Variants in CNTN5 observed in about 807,000 individuals in gnomAD.
The protein encoded by CNTN5 is contactin 5.
A neutral mutation model predicts 129.1 loss-of-function variants in CNTN5; 77 were observed. The observed-to-expected ratio is 0.60, with a 90% CI of 0.50 to 0.72. The LOEUF is 0.72. Ranked by LOEUF, CNTN5 falls within the 30% of genes least tolerant of loss-of-function variation. CNTN5 has a pLI of 0.00. For synonymous variants in CNTN5, 509 were observed against 465.6 expected, an observed-to-expected ratio of 1.09 and a Z score of -1.20; for missense variants, 1,478 against 1,328.8, an observed-to-expected ratio of 1.11 and a Z score of -1.75.
chr11:100,245,320 A>C (rs1183775399), intron 16 of CNTN5, among the ~76,000 whole-genome samples: 3 of 152,164 alleles, frequency 2.0e-5, no homozygotes, highest in African/African-American at 4.8e-5. Flanking sequence ...AACTTCATAC[A>C]AACTTGCATC....
chr11:99,207,210 T>C (rs1279733756), intron 1 of CNTN5, among the ~76,000 whole-genome samples: 1 of 152,152 alleles, frequency 6.6e-6, no homozygotes, highest in African/African-American at 2.4e-5. Flanking sequence ...TTAATAATGT[T>C]AACACCAATA....
At chr11:99,580,192 G>C (rs1270349414) in intron 3 of CNTN5, among the ~76,000 whole-genome samples, 1 of 152,168 alleles carries the variant, frequency 6.6e-6, no homozygotes, top group Non-Finnish European at 1.5e-5. Flanking sequence ...ACTTGATCAT[G>C]GTGGATAAGC....
rs573734605 is a variant in CNTN5, at chr11:100,277,990, G to A, written c.2314+6749G>A. 5.3e-5 allele frequency among the ~76,000 whole-genome samples: 8 copies of A among 152,028 alleles called. 1 individual carries two copies. The highest frequency in any genetic ancestry group is 1.9e-4 in the African/African-American group (8 of 41,516). On this transcript the variant is annotated intron_variant, in intron 18 of 24. Coordinates refer to ENST00000524871, the MANE Select transcript of CNTN5 (RefSeq NM_014361.4). ...ATACATTTTGATTTGATTTTTATAT[G>A]GCAAGGTATAAGAGTCTAGTTTCAC...
At position 100,271,253 on chromosome 11, in the gene CNTN5, G is replaced by T. The variant is rs1419059996; in HGVS notation, c.2314+12G>T. On this transcript the variant is annotated intron_variant, in intron 18 of 24. Coordinates refer to ENST00000524871, the MANE Select transcript of CNTN5 (RefSeq NM_014361.4). The stretch of plus-strand genomic sequence containing the variant: ...CACAAATGAAGCAGGTAAAAATTTG[G>T]AAGAGTCAGATTGGATTTGGTATGC... The T allele has an allele frequency of 6.3e-7, 1 of 1,588,088 alleles. No homozygotes were observed. Among genetic ancestry groups the T allele is most frequent in the Non-Finnish European group, 8.6e-7 (1 of 1,168,902 alleles).
intron 2 of CNTN5, among the ~76,000 whole-genome samples, chr11:99,363,537 A>G (rs1275484898): frequency 6.6e-6 from 1 of 152,128 alleles, no homozygotes; most frequent in Non-Finnish European, 1.5e-5. Flanking sequence ...TCTAGCAGTC[A>G]TGATGAAGGA....
intron 2 of CNTN5, among the ~76,000 whole-genome samples, chr11:99,347,187 G>T (rs1051800260): frequency 2.6e-5 from 4 of 152,198 alleles, no homozygotes; most frequent in Admixed American, 1.3e-4. Flanking sequence ...CACAATCCTG[G>T]TTATTCTCTA....
At chr11:99,752,499 AT>A (rs1420498008) in intron 3 of CNTN5, among the ~76,000 whole-genome samples, 2 of 152,222 alleles carry the variant, frequency 1.3e-5, no homozygotes, top group Non-Finnish European at 2.9e-5. Flanking sequence ...TTAGGTAATT[AT>A]TTAAAGAGGA....
intron 13 of CNTN5, among the ~76,000 whole-genome samples, chr11:100,083,210 G>A (rs930510600): frequency 7.3e-5 from 11 of 151,632 alleles, no homozygotes; most frequent in African/African-American, 1.9e-4. Flanking sequence ...CCAGCTACTC[G>A]GGAGGATGAG....
chr11:99,845,037 G>T (rs778390298), intron 5 of CNTN5, 50 bp from the exon 6 acceptor site: 1 of 1,608,586 alleles, frequency 6.2e-7, no homozygotes, highest in East Asian at 2.2e-5. Flanking sequence ...ATGATATTCT[G>T]ACACTCTCAG....
intron 2 of CNTN5, among the ~76,000 whole-genome samples, chr11:99,432,073 T>G (rs1421037577): frequency 2.6e-5 from 4 of 152,210 alleles, no homozygotes; most frequent in African/African-American, 7.2e-5. Flanking sequence ...ATTCTAGCTC[T>G]TAATCTGCAA....
At chr11:99,031,852 G>T (rs1406928674) in intron 1 of CNTN5, among the ~76,000 whole-genome samples, 8 of 150,472 alleles carry the variant, frequency 5.3e-5, no homozygotes, top group African/African-American at 9.8e-5. Context: ...TGCCATGCTG[G>T]TGCGCTGCAC....
intron 3 of CNTN5, among the ~76,000 whole-genome samples, chr11:99,682,787 A>G (rs1256086923): frequency 6.6e-6 from 1 of 151,984 alleles, no homozygotes; most frequent in Non-Finnish European, 1.5e-5. Context: ...TAAGACAACA[A>G]ACCTAATATG....
At chr11:99,731,558 T>C (rs1012543705) in intron 3 of CNTN5, among the ~76,000 whole-genome samples, 1 of 152,156 alleles carries the variant, frequency 6.6e-6, no homozygotes, top group African/African-American at 2.4e-5. Context: ...GAGAGGAGGA[T>C]AGCAGTGCTA....
chr11:99,996,046 C>T (rs1939422423), intron 8 of CNTN5, among the ~76,000 whole-genome samples: 1 of 152,172 alleles, frequency 6.6e-6, no homozygotes, highest in Non-Finnish European at 1.5e-5. Flanking sequence ...TGAAGCTCAT[C>T]AGCATTTCTA....
chr11:99,787,096 T>TGCTTC (rs1945555842), intron 3 of CNTN5, among the ~76,000 whole-genome samples: 1 of 151,122 alleles, frequency 6.6e-6, no homozygotes, highest in Non-Finnish European at 1.5e-5. Context: ...ACATGTTTTT[T>TGCTTC]TTTTGTTTTT....
At chr11:100,093,528 A>G (rs1565233645) in intron 13 of CNTN5, among the ~76,000 whole-genome samples, 1 of 151,848 alleles carries the variant, frequency 6.6e-6, no homozygotes, top group Non-Finnish European at 1.5e-5. Flanking sequence ...CAACCTCCCA[A>G]AGTTCTGGGA....
intron 3 of CNTN5, among the ~76,000 whole-genome samples, chr11:99,652,494 G>A (rs747762009): frequency 1.3e-5 from 2 of 151,916 alleles, no homozygotes; most frequent in Non-Finnish European, 2.9e-5. Flanking sequence ...TGTGTCCACC[G>A]GAAAGCGGTA....
intron 3 of CNTN5, among the ~76,000 whole-genome samples, chr11:99,623,778 A>T (rs945225486): frequency 1.3e-5 from 2 of 151,792 alleles, no homozygotes; most frequent in Non-Finnish European, 2.9e-5. Flanking sequence ...CTGTGCACTA[A>T]GGTATCTGTA....
intron 2 of CNTN5, among the ~76,000 whole-genome samples, chr11:99,507,985 C>G (rs991988490): frequency 6.6e-6 from 1 of 152,156 alleles, no homozygotes; most frequent in Non-Finnish European, 1.5e-5. Context: ...TTATTTTATT[C>G]ACTTCATTAC....
Sources: allele counts gnomAD v4.1 joint callset (sites outside exome capture counted in the v4.1 genomes callset), GRCh38; gene constraint gnomAD v4.1.1; transcripts MANE v1.5; gene names NCBI Gene and HGNC (gene_info 2026-07-23, HGNC 2026-07-21).